The following SPAG9 variants were observed in gnomAD, a reference collection of about 807,000 sequenced individuals.
SPAG9 encodes the protein sperm associated antigen 9, also known as C-Jun-amino-terminal kinase-interacting protein 4.
A neutral mutation model predicts 166.5 loss-of-function variants in SPAG9; 35 were observed. That is an observed-to-expected ratio of 0.21 (90% CI 0.16 to 0.28). The LOEUF (loss-of-function observed/expected upper bound fraction) is 0.28. SPAG9 is among the 10% of genes least tolerant of loss of function. The pLI is 1.00. For missense variants in SPAG9, 1,235 were observed against 1,603.3 expected (o/e 0.77, Z 3.92); for synonymous variants, 534 against 565.5 (o/e 0.94, Z 0.79).
intron 5 of SPAG9, among the ~76,000 whole-genome samples, chr17:51,036,893 AC>A (rs2046608543): frequency 6.6e-6 from 1 of 152,174 alleles, no homozygotes; most frequent in Non-Finnish European, 1.5e-5. Context: ...GCAATACTAT[AC>A]CACCTTAATA....
chr17:51,033,686 A>G (rs1299642911), intron 5 of SPAG9, among the ~76,000 whole-genome samples: 2 of 152,234 alleles, frequency 1.3e-5, no homozygotes, highest in African/African-American at 4.8e-5. Context: ...AAGAAATTAT[A>G]AAGGCCTCTT....
intron 3 of SPAG9, among the ~76,000 whole-genome samples, chr17:51,050,679 T>A (rs1322182903): frequency 4.0e-5 from 6 of 149,942 alleles, no homozygotes; most frequent in Admixed American, 2.0e-4. Context: ...AAATTATACA[T>A]AACAATTTAA....
intron 1 of SPAG9, among the ~76,000 whole-genome samples, chr17:51,112,370 C>CAAAA (rs767699831): frequency 5.2e-5 from 2 of 38,566 alleles, no homozygotes; most frequent in African/African-American, 8.9e-5. Context: ...CCCATCTCTA[C>CAAAA]AAAAAAAAAA....
At chr17:50,991,840 TCTCGA>T (rs1233300514) in intron 19 of SPAG9, among the ~76,000 whole-genome samples, 4 of 151,212 alleles carry the variant, frequency 2.6e-5, no homozygotes, top group Non-Finnish European at 1.5e-5. Flanking sequence ...GCCAGGCTGG[TCTCGA>T]ACTCCTGACC....
intron 6 of SPAG9, among the ~76,000 whole-genome samples, chr17:51,028,184 AAATC>A (rs2046261115): frequency 6.6e-6 from 1 of 152,194 alleles, no homozygotes; most frequent in Non-Finnish European, 1.5e-5. Context: ...TATTACAAAA[AAATC>A]AAAAAGGTAA....
chr17:51,034,002 T>C (rs1241099975), intron 5 of SPAG9, among the ~76,000 whole-genome samples: 2 of 152,224 alleles, frequency 1.3e-5, no homozygotes, highest in Non-Finnish European at 2.9e-5. Flanking sequence ...ATAATAGGCA[T>C]CTTGGTCAAC....
At chr17:50,995,711 G>A in intron 16 of SPAG9, 178 bp from the exon 17 acceptor site, 1 of 570,732 alleles carries the variant, frequency 1.8e-6, no homozygotes, top group Non-Finnish European at 3.1e-6. Flanking sequence ...GCCCAGGCTA[G>A]AGTGCAGTGG....
intron 3 of SPAG9, among the ~76,000 whole-genome samples, chr17:51,054,932 G>A (rs2047319486): frequency 6.6e-6 from 1 of 151,972 alleles, no homozygotes; most frequent in African/African-American, 2.4e-5. Flanking sequence ...AGGCTAACAG[G>A]GAAAAATTCT....
intron 6 of SPAG9, among the ~76,000 whole-genome samples, chr17:51,023,856 G>A (rs2046044744): frequency 6.6e-6 from 1 of 152,152 alleles, no homozygotes; most frequent in South Asian, 2.1e-4. Context: ...GGTACAGACG[G>A]AGTTTTGCCA....
At chr17:51,095,204 G>C (rs953069221) in intron 1 of SPAG9, among the ~76,000 whole-genome samples, 1 of 150,758 alleles carries the variant, frequency 6.6e-6, no homozygotes, top group Middle Eastern at 3.2e-3. Context: ...GCTGAGGCAG[G>C]AGAATGGCAG....
At chr17:51,035,981 A>T (rs1263054857) in intron 5 of SPAG9, among the ~76,000 whole-genome samples, 1 of 152,210 alleles carries the variant, frequency 6.6e-6, no homozygotes, top group Non-Finnish European at 1.5e-5. Flanking sequence ...TATTTGTAAC[A>T]GCAAAAGACT....
At chr17:50,984,837 TTTC>T in intron 24 of SPAG9, 83 bp downstream of exon 24, 1 of 1,039,308 alleles carries the variant, frequency 9.6e-7, no homozygotes, top group Non-Finnish European at 1.5e-6. Flanking sequence ...CTGAGTATCA[TTTC>T]TTTAAAACAT....
rs1555655271 is a variant in SPAG9, at chr17:51,077,021, T to TCTATCTAGCTATCTAGCTATCTAG, written c.424+2562_424+2563insCTAGATAGCTAGATAGCTAGATAG. 4.0e-3 allele frequency among the ~76,000 whole-genome samples: 302 copies of TCTATCTAGCTATCTAGCTATCTAG among 76,074 alleles called. 6 individuals carry two copies. The highest frequency in any genetic ancestry group is 0.012 in the African/African-American group (178 of 14,916). 49.9% of individuals were successfully genotyped at this position (76,074 alleles called of 152,430 possible). On this transcript the variant is annotated intron_variant, in intron 2 of 29. Coordinates refer to ENST00000262013, the MANE Select transcript of SPAG9 (RefSeq NM_001130528.3). ...AGCTATCTAGCTAGCTAGCTAGCTA[T>TCTATCTAGCTATCTAGCTATCTAG]CTAGCTATCTATCTAGCTATCTAGC... is the stretch of plus-strand genomic sequence containing the variant.
At chr17:51,016,886 G>A (rs1452624169) in intron 8 of SPAG9, among the ~76,000 whole-genome samples, 3 of 152,212 alleles carry the variant, frequency 2.0e-5, no homozygotes, top group African/African-American at 4.8e-5. Context: ...GGGCGACAAA[G>A]CGAGACTCCG....
chr17:50,966,586 A>G (rs1245867159), intron 29 of SPAG9, among the ~76,000 whole-genome samples, 199 bp from the exon 30 acceptor site: 1 of 152,184 alleles, frequency 6.6e-6, no homozygotes, highest in Non-Finnish European at 1.5e-5. Context: ...TTGACTTCAG[A>G]AAAGGTTAAT....
intron 1 of SPAG9, chr17:51,085,170 C>T (rs533222846): frequency 6.6e-6 from 1 of 152,262 alleles, no homozygotes; most frequent in South Asian, 2.1e-4. Flanking sequence ...TCTTAGGCAC[C>T]TTTTGTGCTA....
intron 2 of SPAG9, among the ~76,000 whole-genome samples, chr17:51,057,558 A>G (rs2047395248): frequency 6.6e-6 from 1 of 152,198 alleles, no homozygotes; most frequent in African/African-American, 2.4e-5. Context: ...CACACCAGAC[A>G]CCAAACAAAA....
rs894636231 is a variant in SPAG9, at chr17:50,965,062, AT to A, written c.*1209del. The A allele has an allele frequency of 1.2e-3, 176 of 142,558 alleles. No individual in the cohort carries two copies. Among genetic ancestry groups the A allele is most frequent in the South Asian group, 2.2e-3 (10 of 4,578 alleles). 8.8% of individuals were successfully genotyped at this position (142,558 alleles called of 1,614,324 possible). A position where few individuals can be genotyped will look rare whatever the true frequency, so the allele number is the denominator to read the frequency against. ...AGGCGTGAGCCACCATGCCCAACCTATTTTTTTTTTTTAATGGGCATTGTGA... is the reference window on the plus strand; with the variant it reads ...AGGCGTGAGCCACCATGCCCAACCTATTTTTTTTTTTAATGGGCATTGTGA... On this transcript the variant is annotated 3_prime_UTR_variant, in exon 30 of 30. Coordinates refer to ENST00000262013, the MANE Select transcript of SPAG9 (RefSeq NM_001130528.3).
At chr17:51,099,199 C>A (rs1454932219) in intron 1 of SPAG9, among the ~76,000 whole-genome samples, 1 of 151,148 alleles carries the variant, frequency 6.6e-6, no homozygotes, top group Non-Finnish European at 1.5e-5. Context: ...TTTGAGAGAC[C>A]GAGGTGGGCA....
Sources: gnomAD v4.1 joint callset for allele counts (sites outside exome capture counted in the v4.1 genomes callset) on GRCh38, gnomAD v4.1.1 for gene constraint, MANE v1.5 for transcripts, NCBI Gene and HGNC (gene_info 2026-07-23, HGNC 2026-07-21) for gene names.